CDYL2: variants seen among roughly 807,000 people sequenced by gnomAD.
CDYL2 encodes the protein chromodomain Y like 2.
CDYL2 carries 23 observed loss-of-function variants against 49.4 expected under a neutral mutation model. The observed-to-expected ratio is 0.47, with a 90% CI of 0.34 to 0.66. The LOEUF is 0.66. CDYL2 is among the 30% of genes least tolerant of loss of function. CDYL2 has a pLI of 0.01. For missense variants in CDYL2, 678 were observed against 656.4 expected (o/e 1.03, Z -0.36); for synonymous variants, 360 against 268.8 (o/e 1.34, Z -3.32).
At chr16:80,608,388 G>A (rs1009437488) in intron 5 of CDYL2, among the ~76,000 whole-genome samples, 153 bp from the exon 6 acceptor site, 3 of 152,148 alleles carry the variant, frequency 2.0e-5, no homozygotes, top group African/African-American at 7.2e-5. Context: ...TAAGCTTTGG[G>A]AATTGTATGG....
intron 2 of CDYL2, among the ~76,000 whole-genome samples, chr16:80,645,906 G>A (rs920921042): frequency 2.1e-5 from 3 of 145,088 alleles, no homozygotes; most frequent in South Asian, 2.1e-4. Flanking sequence ...AACACCGCAT[G>A]TTCTCACTCA....
chr16:80,790,790 G>C (rs563558162), intron 1 of CDYL2, among the ~76,000 whole-genome samples: 9 of 152,148 alleles, frequency 5.9e-5, no homozygotes, highest in Non-Finnish European at 1.3e-4. Flanking sequence ...ATCACCAGGA[G>C]AGCTAAACAA....
chr16:80,708,288 G>T (rs1236439256), intron 1 of CDYL2, among the ~76,000 whole-genome samples: 1 of 152,118 alleles, frequency 6.6e-6, no homozygotes, highest in Non-Finnish European at 1.5e-5. Context: ...CACGGGGGTG[G>T]GTTTTTCCCA....
At chr16:80,698,858 C>G (rs1597084234) in intron 1 of CDYL2, among the ~76,000 whole-genome samples, 1 of 152,196 alleles carries the variant, frequency 6.6e-6, no homozygotes, top group East Asian at 1.9e-4. Context: ...GTTATGCAGT[C>G]TCAGGTACTT....
chr16:80,711,058 G>C (rs1038338945), intron 1 of CDYL2, among the ~76,000 whole-genome samples: 1 of 152,182 alleles, frequency 6.6e-6, no homozygotes, highest in African/African-American at 2.4e-5. Context: ...TAGTCCCTTT[G>C]CAACTCACAA....
Position 80,634,209 on chromosome 16 carries a change from C to T in CDYL2, c.617-973G>A, listed in dbSNP as rs113998500. On this transcript the variant is annotated intron_variant, in intron 2 of 6. Transcript: ENST00000570137. Reference sequence around the variant, plus strand: ...AAGACATATACACATATGTTTACTGCGGCACTATTCACAATAGCTCACACT... The same window carrying T: ...AAGACATATACACATATGTTTACTGTGGCACTATTCACAATAGCTCACACT... Among the ~76,000 whole-genome samples, 838 of 152,192 alleles carry T rather than the reference C, an allele frequency of 5.5e-3. 10 individuals are homozygous for T. Among genetic ancestry groups the T allele is most frequent in the African/African-American group, 0.019 (802 of 41,516 alleles).
At chr16:80,737,907 T>C (rs1051633243) in intron 1 of CDYL2, among the ~76,000 whole-genome samples, 1 of 152,150 alleles carries the variant, frequency 6.6e-6, no homozygotes, top group African/African-American at 2.4e-5. Flanking sequence ...CTGGGTTACA[T>C]GTGCAGAACG....
intron 2 of CDYL2, among the ~76,000 whole-genome samples, chr16:80,674,277 T>A (rs1436122383): frequency 6.6e-6 from 1 of 152,174 alleles, no homozygotes; most frequent in Non-Finnish European, 1.5e-5. Flanking sequence ...TCTTTAAGCA[T>A]TAATTTTCCA....
At chr16:80,743,251 G>C (rs1905810585) in intron 1 of CDYL2, among the ~76,000 whole-genome samples, 1 of 152,192 alleles carries the variant, frequency 6.6e-6, no homozygotes, top group African/African-American at 2.4e-5. Context: ...TCTGCTCCCA[G>C]AAGTAAAACC....
chr16:80,758,587 G>A (rs1906396664), intron 1 of CDYL2, among the ~76,000 whole-genome samples: 1 of 139,524 alleles, frequency 7.2e-6, no homozygotes, highest in African/African-American at 2.7e-5. Context: ...CTGTCGCTCA[G>A]GCTGGAGGGC....
At chr16:80,648,139 G>C (rs895685276) in intron 2 of CDYL2, among the ~76,000 whole-genome samples, 2 of 151,610 alleles carry the variant, frequency 1.3e-5, no homozygotes, top group African/African-American at 4.8e-5. Flanking sequence ...AAAATTAGTA[G>C]ATGAAAAAAA....
At chr16:80,631,902 G>A (rs1348223839) in intron 3 of CDYL2, among the ~76,000 whole-genome samples, 1 of 152,150 alleles carries the variant, frequency 6.6e-6, no homozygotes, top group Non-Finnish European at 1.5e-5. Context: ...GTGTTATCGA[G>A]GATACAGAGA....
chr16:80,670,932 C>CTGTT (rs1056801257), intron 2 of CDYL2: 9 of 455,982 alleles, frequency 2.0e-5, no homozygotes, highest in African/African-American at 1.8e-4. Flanking sequence ...GCCTCACCAG[C>CTGTT]TGTTCTTCCA....
chr16:80,644,910 T>C (rs573236185), intron 2 of CDYL2, among the ~76,000 whole-genome samples: 3 of 152,182 alleles, frequency 2.0e-5, no homozygotes, highest in South Asian at 2.1e-4. Context: ...ATTTAATAAA[T>C]GGTGCTGGGA....
chr16:80,662,371 C>T (rs1909082343), intron 2 of CDYL2, among the ~76,000 whole-genome samples: 1 of 152,164 alleles, frequency 6.6e-6, no homozygotes, highest in Non-Finnish European at 1.5e-5. Flanking sequence ...AGCACCCTTC[C>T]TCCCTTCCCC....
In CDYL2 at chr16:80,620,751, A is replaced by G; in HGVS notation, c.1007+12T>C. ...CAGGACCCCAGGGTGTGTGAAAAGG[A>G]GCACAGCTCACCTGATGGCTTCTGC... On this transcript the variant is annotated intron_variant, in intron 4 of 6. Transcript: ENST00000570137. 6.3e-7 allele frequency: 1 copy of G among 1,576,654 alleles called. No individual in the cohort carries two copies.
At chr16:80,655,909 C>A (rs1472482685) in intron 2 of CDYL2, among the ~76,000 whole-genome samples, 1 of 152,168 alleles carries the variant, frequency 6.6e-6, no homozygotes, top group Non-Finnish European at 1.5e-5. Flanking sequence ...CAGCAACAAG[C>A]TGGCAGGGAA....
In CDYL2 at chr16:80,766,167, C is replaced by T. The variant is rs543474455; in HGVS notation, c.24+37983G>A. ...GGGAATGATGACCACTGTTCCAAAA[C>T]TGATTACGATAATGGCTGCACAACT... On this transcript the variant is annotated intron_variant, in intron 1 of 6. Coordinates refer to ENST00000570137, the MANE Select transcript of CDYL2 (RefSeq NM_152342.4). 4.6e-5 allele frequency among the ~76,000 whole-genome samples: 7 copies of T among 151,940 alleles called. No individual in the cohort carries two copies. The South Asian group carries it at 1.5e-3, about 32-fold the overall frequency.
chr16:80,730,313 G>A (rs1324136244), intron 1 of CDYL2, among the ~76,000 whole-genome samples: 1 of 151,986 alleles, frequency 6.6e-6, no homozygotes, highest in African/African-American at 2.4e-5. Context: ...ATTAGAGAAT[G>A]CTACAAACAC....
Sources: gnomAD v4.1 joint callset for allele counts (sites outside exome capture counted in the v4.1 genomes callset) on GRCh38, gnomAD v4.1.1 for gene constraint, MANE v1.5 for transcripts, NCBI Gene and HGNC (gene_info 2026-07-23, HGNC 2026-07-21) for gene names.